The following ADGRL2 variants were observed in gnomAD, a reference collection of about 807,000 sequenced individuals.
ADGRL2 encodes the protein calcium-independent alpha-latrotoxin receptor 2.
In ADGRL2, 44 loss-of-function variants were observed where a neutral mutation model predicts 157.4. That is an observed-to-expected ratio of 0.28 (90% CI 0.22 to 0.36). The LOEUF is 0.36. Ranked by LOEUF, ADGRL2 falls within the 10% of genes least tolerant of loss-of-function variation. ADGRL2 has a pLI of 1.00. For missense variants in ADGRL2, 1,510 were observed against 1,768.9 expected, an observed-to-expected ratio of 0.85 and a Z score of 2.63; for synonymous variants, 585 against 624.7, an observed-to-expected ratio of 0.94 and a Z score of 0.95.
At chr1:81,595,376 C>A (rs1050642098) in intron 3 of ADGRL2, among the ~76,000 whole-genome samples, 6 of 152,150 alleles carry the variant, frequency 3.9e-5, no homozygotes, top group Non-Finnish European at 8.8e-5. Flanking sequence ...AGATTGTGAA[C>A]AATGTGCCTA....
intron 1 of ADGRL2, among the ~76,000 whole-genome samples, chr1:81,407,104 G>T (rs2076866982): frequency 6.6e-6 from 1 of 152,218 alleles, no homozygotes; most frequent in Non-Finnish European, 1.5e-5. Flanking sequence ...TCATGGAAGA[G>T]AAGTTCATTG....
intron 1 of ADGRL2, among the ~76,000 whole-genome samples, chr1:81,315,124 G>A (rs752721372): frequency 1.3e-5 from 2 of 152,102 alleles, no homozygotes; most frequent in East Asian, 1.9e-4. Context: ...TGTGTAGTTT[G>A]CATAATTTTG....
intron 3 of ADGRL2, among the ~76,000 whole-genome samples, chr1:81,665,445 A>G (rs1033318047): frequency 3.3e-5 from 5 of 152,152 alleles, no homozygotes; most frequent in African/African-American, 9.6e-5. Context: ...AATATAGGCA[A>G]TAAATTCTCA....
chr1:81,946,388 A>G (rs888450509), intron 6 of ADGRL2, among the ~76,000 whole-genome samples: 1 of 137,318 alleles, frequency 7.3e-6, no homozygotes, highest in Admixed American at 7.9e-5. Context: ...TGATCCCTGC[A>G]TAGTTCATTT....
At chr1:81,399,185 T>A (rs2076708477) in intron 1 of ADGRL2, among the ~76,000 whole-genome samples, 1 of 152,124 alleles carries the variant, frequency 6.6e-6, no homozygotes, top group African/African-American at 2.4e-5. Context: ...TCAGATCTCA[T>A]GAGAACTTAC....
chr1:81,431,341 A>C, intron 1 of ADGRL2, among the ~76,000 whole-genome samples: 1 of 140,874 alleles, frequency 7.1e-6, no homozygotes, highest in South Asian at 2.2e-4. Context: ...CCACAACCTG[A>C]CAGAATGAAA....
chr1:81,611,269 A>G (rs1378580625), intron 3 of ADGRL2, among the ~76,000 whole-genome samples: 3 of 152,240 alleles, frequency 2.0e-5, no homozygotes, highest in Admixed American at 6.5e-5. Context: ...GCCTTCAGAC[A>G]CGGAAGATAT....
At chr1:81,408,100 G>A (rs894390458) in intron 1 of ADGRL2, among the ~76,000 whole-genome samples, 1 of 152,124 alleles carries the variant, frequency 6.6e-6, no homozygotes, top group Admixed American at 6.6e-5. Context: ...CATTTGTTAC[G>A]ATGTACATCT....
intron 3 of ADGRL2, among the ~76,000 whole-genome samples, chr1:81,626,565 G>A (rs575445548): frequency 6.6e-6 from 1 of 152,290 alleles, no homozygotes; most frequent in African/African-American, 2.4e-5. Context: ...TGAGCACCGC[G>A]CCTGGCCTGA....
chr1:81,823,618 A>G (rs2091208322), intron 1 of ADGRL2, among the ~76,000 whole-genome samples: 1 of 152,044 alleles, frequency 6.6e-6, no homozygotes, highest in Non-Finnish European at 1.5e-5. Context: ...TGTGATAGGG[A>G]TGAGCACTCT....
intron 3 of ADGRL2, among the ~76,000 whole-genome samples, chr1:81,656,657 G>T (rs1279743784): frequency 6.6e-6 from 1 of 152,014 alleles, no homozygotes; most frequent in Non-Finnish European, 1.5e-5. Context: ...ATTTTCTTCA[G>T]CAACAGGTAC....
intron 2 of ADGRL2, among the ~76,000 whole-genome samples, chr1:81,779,462 C>T (rs1046532898): frequency 1.3e-5 from 2 of 151,902 alleles, no homozygotes; most frequent in Non-Finnish European, 2.9e-5. Flanking sequence ...ATTGATCGCC[C>T]TCCTCATTTC....
chr1:81,806,136 G>A (rs1227703950), intron 1 of ADGRL2, among the ~76,000 whole-genome samples: 6 of 151,968 alleles, frequency 3.9e-5, no homozygotes, highest in Non-Finnish European at 7.4e-5. Flanking sequence ...GAATCATGTG[G>A]GGTAGAACAA....
chr1:81,376,349 G>T (rs1157044799), intron 1 of ADGRL2, among the ~76,000 whole-genome samples: 4 of 152,124 alleles, frequency 2.6e-5, no homozygotes, highest in Non-Finnish European at 5.9e-5. Context: ...TTGCCTAGTG[G>T]CCTGGTATTT....
At chr1:81,326,067 G>T (rs142222134) in intron 1 of ADGRL2, among the ~76,000 whole-genome samples, 1 of 152,262 alleles carries the variant, frequency 6.6e-6, no homozygotes, top group Admixed American at 6.5e-5. Flanking sequence ...AATATATACA[G>T]GTGGAAAGTT....
intron 2 of ADGRL2, chr1:81,502,561 G>C: frequency 1.9e-6 from 3 of 1,614,062 alleles, no homozygotes; most frequent in Non-Finnish European, 2.5e-6. Context: ...CCGAGAAGGG[G>C]GGCCTGGTGG....
At chr1:81,400,474 A>G (rs2076733190) in intron 1 of ADGRL2, among the ~76,000 whole-genome samples, 1 of 152,100 alleles carries the variant, frequency 6.6e-6, no homozygotes. Context: ...GGAGACTGGG[A>G]ACAGTACTGG....
At chr1:81,342,757 T>C (rs1179016794) in intron 1 of ADGRL2, among the ~76,000 whole-genome samples, 2 of 152,126 alleles carry the variant, frequency 1.3e-5, no homozygotes, top group Non-Finnish European at 2.9e-5. Flanking sequence ...CAATATTATT[T>C]CCACACCTTA....
chr1:81,406,744 C>T (rs2076860290), intron 1 of ADGRL2, among the ~76,000 whole-genome samples: 1 of 152,072 alleles, frequency 6.6e-6, no homozygotes, highest in Non-Finnish European at 1.5e-5. Flanking sequence ...GCCTGGAAGT[C>T]ACAGACTTTG....
Sources: allele counts gnomAD v4.1 joint callset (sites outside exome capture counted in the v4.1 genomes callset), GRCh38; gene constraint gnomAD v4.1.1; transcripts MANE v1.5; gene names NCBI Gene and HGNC (gene_info 2026-07-23, HGNC 2026-07-21).